The following TRIP11 variants were observed in gnomAD, a reference collection of about 807,000 sequenced individuals.
TRIP11 encodes the protein thyroid receptor-interacting protein 11.
A neutral mutation model predicts 223.1 loss-of-function variants in TRIP11; 148 were observed. The ratio of observed to expected loss-of-function variants is 0.66; its 90% CI spans 0.58 to 0.76. TRIP11 has a LOEUF of 0.76. Ranked by LOEUF, TRIP11 falls within the 30% of genes least tolerant of loss-of-function variation. The pLI, the probability that TRIP11 is intolerant of heterozygous loss-of-function variation, is 0.00. For missense variants in TRIP11, 2,043 were observed against 2,222.0 expected (o/e 0.92, Z 1.62); for synonymous variants, 762 against 772.6 (o/e 0.99, Z 0.23).
At chr14:91,994,031 A>AATAT (rs2140104067) in intron 14 of TRIP11, 119 bp from the exon 15 acceptor site, 4 of 742,446 alleles carry the variant, frequency 5.4e-6, no homozygotes, top group East Asian at 5.5e-5. Context: ...AACAGAAAAG[A>AATAT]ATATATGCCT....
Position 92,025,386 on chromosome 14 carries a change from T to C in TRIP11, c.236A>G (p.Glu79Gly), listed in dbSNP as rs745324877. The C allele has an allele frequency of 1.2e-6, 2 of 1,613,382 alleles. No homozygotes were observed. The highest frequency in any genetic ancestry group is 1.7e-5 in the Admixed American group (1 of 60,018). ...ERLKKLCTDLEEKHEASEIQI... is the reference protein window; with the variant it reads ...ERLKKLCTDLGEKHEASEIQI... ...AATCTCTGATGCTTCATGTTTCTCT[T>C]CTAGATCAGTACAAAGTTTCTTAAG... is the stretch of plus-strand genomic sequence containing the variant. Residue 79 changes from glutamate to glycine, a missense_variant, in exon 3 of 21, where the codon GAA (glutamate) becomes GGA (glycine). Glu to Gly is a moderately conservative substitution (Grantham distance 98). Transcript: ENST00000267622.
chr14:92,019,286 C>T (rs1296621576), intron 4 of TRIP11, among the ~76,000 whole-genome samples: 1 of 151,988 alleles, frequency 6.6e-6, no homozygotes, highest in East Asian at 1.9e-4. Flanking sequence ...AAAATGTGTT[C>T]CTTAGGTTAT....
At position 91,999,443 on chromosome 14, in the gene TRIP11, G is replaced by A. The variant is rs1304554195; in HGVS notation, c.4699-10C>T. On this transcript the variant is annotated splice_polypyrimidine_tract_variant and intron_variant, in intron 12 of 20. Transcript: ENST00000267622. ...CACGTAAACGTTGAACCTAGGTAGA[G>A]GACATTATTTTTCTTTTACAAAATG... 6.2e-7 allele frequency: 1 copy of A among 1,613,198 alleles called. No homozygotes were observed. The highest frequency in any genetic ancestry group is 1.7e-5 in the Admixed American group (1 of 59,990).
At position 92,004,420 on chromosome 14, in the gene TRIP11, C is replaced by T. The variant is rs781750507; in HGVS notation, c.3556G>A (p.Val1186Ile). Residue 1186 changes from valine (V) to isoleucine (I), a missense_variant, in exon 11 of 21, where the codon GTT becomes ATT. Coordinates refer to ENST00000267622, the MANE Select transcript of TRIP11 (RefSeq NM_004239.4). ...LSQKCQTLLA[V>I]LQTSSTGNEA... The stretch of plus-strand genomic sequence containing the variant: ...TTACCAGTGCTGGATGTTTGTAAAA[C>T]TGCCAATAAAGTCTGACATTTCTGA... 1.9e-6 allele frequency: 3 copies of T among 1,613,992 alleles called. No homozygotes were observed. In the Admixed American group the frequency reaches 5.0e-5, roughly 27 times the overall value.
chr14:91,974,846 C>T lies in TRIP11; in HGVS notation c.5458-103G>A, dbSNP rs1298113257. On this transcript the variant is annotated intron_variant, in intron 18 of 20. Coordinates refer to ENST00000267622, the MANE Select transcript of TRIP11 (RefSeq NM_004239.4). ...TCTGATAGTTGTAAAGCATGCTTTT[C>T]AAGTTCAAGTCCTAGTAAATGTTTC... is the stretch of plus-strand genomic sequence containing the variant. The T allele has an allele frequency of 4.6e-5, 44 of 963,528 alleles. 1 individual carries two copies. The highest frequency in any genetic ancestry group is 6.8e-5 in the Non-Finnish European group (43 of 628,704). 59.7% of individuals were successfully genotyped at this position (963,528 alleles called of 1,614,324 possible).
Position 92,039,823 on chromosome 14 carries a change from A to C in TRIP11, c.-138T>G, listed in dbSNP as rs2057365405. ...ATAACACAAAGCTGGGTTCTCAGGC[A>C]AGGCCGACTCCAGGTTCTGCCTAGA... is the stretch of plus-strand genomic sequence containing the variant. On this transcript the variant is annotated 5_prime_UTR_variant, in exon 1 of 21. Coordinates refer to ENST00000267622, the MANE Select transcript of TRIP11 (RefSeq NM_004239.4). 3.9e-6 allele frequency: 6 copies of C among 1,531,722 alleles called. No homozygotes were observed. The highest frequency in any genetic ancestry group is 4.4e-6 in the Non-Finnish European group (5 of 1,134,430). 94.9% of individuals were successfully genotyped at this position (1,531,722 alleles called of 1,614,324 possible).
At chr14:91,992,908 CAAAAAAAAAAAAAAAAAA>C (rs550702989) in intron 15 of TRIP11, among the ~76,000 whole-genome samples, 2,208 of 29,460 alleles carry the variant, frequency 0.075, 117 homozygotes, top group African/African-American at 0.17. Flanking sequence ...GACTCCGTCT[CAAAAAAAAAAAAAAAAAA>C]AAAAAAAAAA....
intron 20 of TRIP11, among the ~76,000 whole-genome samples, chr14:91,971,931 T>C (rs2056405155): frequency 6.6e-6 from 1 of 152,244 alleles, no homozygotes. Context: ...ATGTGTGATA[T>C]GAGTATATAA....
intron 11 of TRIP11, among the ~76,000 whole-genome samples, chr14:92,001,922 T>A (rs1377097923): frequency 6.6e-6 from 1 of 152,168 alleles, no homozygotes; most frequent in Non-Finnish European, 1.5e-5. Context: ...GCCTACTTCA[T>A]CAGATGACAA....
chr14:92,023,275 G>A (rs750997041), intron 3 of TRIP11, among the ~76,000 whole-genome samples: 8 of 152,144 alleles, frequency 5.3e-5, no homozygotes, highest in Non-Finnish European at 1.2e-4. Flanking sequence ...ATCCTTATCC[G>A]AATGCTTGGG....
At position 91,966,258 on chromosome 14, in the gene TRIP11, A is replaced by G. The variant is rs1261794690; in HGVS notation, c.*3415T>C. ...TTAACTTTTTAATAAGTTAAAAAGT[A>G]AAGACTGGCAAATAATCACAAATGT... is the stretch of plus-strand genomic sequence containing the variant. On this transcript the variant is annotated 3_prime_UTR_variant, in exon 21 of 21. Coordinates refer to ENST00000267622, the MANE Select transcript of TRIP11 (RefSeq NM_004239.4). 4 of 177,680 alleles carry G rather than the reference A, an allele frequency of 2.3e-5. No homozygotes were observed. Among genetic ancestry groups the G allele is most frequent in the Non-Finnish European group, 4.8e-5 (4 of 82,514 alleles). 11.0% of individuals were successfully genotyped at this position (177,680 alleles called of 1,614,324 possible).
chr14:92,003,593 T>C lies in TRIP11; in HGVS notation c.4383A>G (p.Leu1461=), dbSNP rs2056856194. The part of the protein sequence containing the change: ...ILILEMDIGK[L]KGENEKIVET... ...CCACTATTTTTTCATTTTCTCCTTT[T>C]AGTTTGCCAATGTCCATCTCTAGAA... is the stretch of plus-strand genomic sequence containing the variant. The change falls in exon 11 of 21, where the codon CTA becomes CTG. Residue 1461 remains leucine, a synonymous_variant. Transcript: ENST00000267622. The C allele has an allele frequency of 6.2e-7, 1 of 1,614,204 alleles. No homozygotes were observed. The highest frequency in any genetic ancestry group is 8.5e-7 in the Non-Finnish European group (1 of 1,180,028).
At chr14:92,029,042 C>T (rs909611164) in intron 2 of TRIP11, among the ~76,000 whole-genome samples, 3 of 152,050 alleles carry the variant, frequency 2.0e-5, no homozygotes, top group South Asian at 4.1e-4. Context: ...CCATAGGGTA[C>T]CGTGGATCTT....
Position 91,970,122 on chromosome 14 carries a change from C to T in TRIP11, c.5720-229G>A, listed in dbSNP as rs17127788. Among the ~76,000 whole-genome samples, 383 of 152,194 alleles carry T rather than the reference C, an allele frequency of 2.5e-3. 1 individual carries two copies. Among genetic ancestry groups the T allele is most frequent in the African/African-American group, 8.2e-3 (342 of 41,536 alleles). ...GACTGGTCTTTATTCAAAATGAAAA[C>T]GCAGCCAGGCGCGGTGGCTCATGCC... On this transcript the variant is annotated intron_variant, in intron 20 of 20. Coordinates refer to ENST00000267622, the MANE Select transcript of TRIP11 (RefSeq NM_004239.4).
At position 92,004,069 on chromosome 14, in the gene TRIP11, C is replaced by T. The variant is rs1212530488; in HGVS notation, c.3907G>A (p.Asp1303Asn). ...HSIGQLCNTK[D>N]LLLGKLDIIS... is the part of the protein sequence containing the mutation. ...ATATCAAGTTTTCCTAAAAGAAGATCCTTGGTATTGCAAAGCTGCCCAATG... is the reference window on the plus strand; with the variant it reads ...ATATCAAGTTTTCCTAAAAGAAGATTCTTGGTATTGCAAAGCTGCCCAATG... Residue 1303 changes from aspartate to asparagine, a missense_variant, in exon 11 of 21, where the codon GAT becomes AAT. Asp to Asn is a conservative substitution (Grantham distance 23, BLOSUM62 1). Coordinates refer to ENST00000267622, the MANE Select transcript of TRIP11 (RefSeq NM_004239.4). The T allele has an allele frequency of 6.2e-7, 1 of 1,614,144 alleles. No individual in the cohort carries two copies. The highest frequency in any genetic ancestry group is 2.2e-5 in the East Asian group (1 of 44,880).
chr14:91,990,269 A>AT (rs1481095757), intron 15 of TRIP11, among the ~76,000 whole-genome samples: 1 of 152,134 alleles, frequency 6.6e-6, no homozygotes, highest in South Asian at 2.1e-4. Flanking sequence ...CTTTCAAATG[A>AT]TTTTTTTAAC....
chr14:91,993,203 G>A (rs117783116), intron 15 of TRIP11, among the ~76,000 whole-genome samples: 3,847 of 151,780 alleles, frequency 0.025, 68 homozygotes, highest in South Asian at 0.083. Flanking sequence ...CACGCCAGGC[G>A]CAGTGGCTCT....
intron 15 of TRIP11, among the ~76,000 whole-genome samples, chr14:91,992,716 T>C (rs2056690572): frequency 6.6e-6 from 1 of 151,914 alleles, no homozygotes; most frequent in South Asian, 2.1e-4. Context: ...GAGACTATCC[T>C]GGCTAACATG....
chr14:92,011,655 T>G, intron 8 of TRIP11, 100 bp downstream of exon 8: 1 of 901,622 alleles, frequency 1.1e-6, no homozygotes, highest in Non-Finnish European at 1.7e-6. Context: ...AAGAAACAAC[T>G]CTTTGAATCT....
Sources: allele counts gnomAD v4.1 joint callset (sites outside exome capture counted in the v4.1 genomes callset), GRCh38; gene constraint gnomAD v4.1.1; transcripts MANE v1.5; gene names NCBI Gene and HGNC (gene_info 2026-07-23, HGNC 2026-07-21).